The following DENND1A variants were observed in gnomAD, a reference collection of about 807,000 sequenced individuals.
DENND1A encodes the protein DENN domain-containing protein 1A.
Under a neutral mutation model 113.7 loss-of-function variants are expected in DENND1A, and 51 were observed. The ratio of observed to expected loss-of-function variants is 0.45; its 90% confidence interval spans 0.36 to 0.57. The LOEUF (loss-of-function observed/expected upper bound fraction) is 0.57, where lower values mean the gene tolerates loss of function less well. Among genes scored for constraint, DENND1A ranks in the 20% least tolerant of loss-of-function variants. The pLI is 0.00. For missense variants in DENND1A, 1,258 were observed against 1,395.9 expected, an observed-to-expected ratio of 0.90 and a Z score of 1.57; for synonymous variants, 565 against 570.8, an observed-to-expected ratio of 0.99 and a Z score of 0.14.
rs1369120234 is a variant in DENND1A at position 123,711,513 on chromosome 9, G to GTGTA, written c.303-34725_303-34724insTACA. 2.5e-5 allele frequency among the ~76,000 whole-genome samples: 3 copies of GTGTA among 120,986 alleles called. No homozygotes were observed. In the East Asian group the frequency reaches 7.0e-4, roughly 28 times the overall value. The allele number at this position is 120,986 out of a possible 152,430, so 79.4% of individuals were successfully genotyped here. ...TATATATATATATATATGTATATAT[G>GTGTA]TATATATATATATATATATATATAT... On this transcript the variant is annotated intron_variant, in intron 5 of 23. Transcript: ENST00000394215.
rs1322085576 is a variant in DENND1A at position 123,645,371 on chromosome 9, A to G, written c.618+6642T>C. 6.6e-5 allele frequency among the ~76,000 whole-genome samples: 10 copies of G among 152,174 alleles called. No individual in the cohort carries two copies. In the South Asian group the frequency reaches 2.1e-3, roughly 32 times the overall value. ...GCAGGCCACATCAGGATCTGTCAAG[A>G]GAGGTTCCTCAAAAAATCTCAGGCT... On this transcript the variant is annotated intron_variant, in intron 9 of 23. Transcript: ENST00000394215.
intron 1 of DENND1A, among the ~76,000 whole-genome samples, chr9:123,899,323 T>C (rs543384721): frequency 6.6e-6 from 1 of 152,174 alleles, no homozygotes; most frequent in Non-Finnish European, 1.5e-5. Flanking sequence ...AAGGGTATTA[T>C]GAGGCCCAAA....
intron 18 of DENND1A, among the ~76,000 whole-genome samples, chr9:123,450,043 GAA>G (rs112846577): frequency 0.057 from 6,826 of 119,664 alleles, 186 homozygotes; most frequent in East Asian, 0.081. Context: ...GATAAAAAAA[GAA>G]AAAAAAAAAA....
intron 5 of DENND1A, among the ~76,000 whole-genome samples, chr9:123,739,532 AT>A (rs1481040030): frequency 6.6e-6 from 1 of 152,108 alleles, no homozygotes; most frequent in Non-Finnish European, 1.5e-5. Flanking sequence ...CAACAGAAAA[AT>A]CTCAGTCCAG....
At chr9:123,517,344 G>A (rs879912300) in intron 13 of DENND1A, among the ~76,000 whole-genome samples, 1 of 152,034 alleles carries the variant, frequency 6.6e-6, no homozygotes, top group Non-Finnish European at 1.5e-5. Context: ...GGGAGGGCCG[G>A]GCATGGTGGC....
intron 1 of DENND1A, among the ~76,000 whole-genome samples, 160 bp from the exon 2 acceptor site, chr9:123,879,181 C>T (rs1009227686): frequency 1.3e-5 from 2 of 152,090 alleles, no homozygotes; most frequent in African/African-American, 4.8e-5. Context: ...GAGACCATGC[C>T]TTCCTAAACT....
chr9:123,685,148 T>G (rs2064729111), intron 5 of DENND1A, among the ~76,000 whole-genome samples: 1 of 152,242 alleles, frequency 6.6e-6, no homozygotes, highest in South Asian at 2.1e-4. Flanking sequence ...CATATGTAAA[T>G]GCACCTATCA....
chr9:123,925,317 T>C (rs1588285665), intron 1 of DENND1A, among the ~76,000 whole-genome samples: 1 of 152,226 alleles, frequency 6.6e-6, no homozygotes, highest in South Asian at 2.1e-4. Context: ...CACCCCTACC[T>C]ATCTCTCAGC....
At chr9:123,662,545 A>T (rs1564906486) in intron 8 of DENND1A, among the ~76,000 whole-genome samples, 1 of 152,328 alleles carries the variant, frequency 6.6e-6, no homozygotes, top group East Asian at 1.9e-4. Flanking sequence ...CCTGAATGAC[A>T]GAGCGAGACT....
At chr9:123,926,585 A>G (rs1357037151) in intron 1 of DENND1A, among the ~76,000 whole-genome samples, 8 of 151,438 alleles carry the variant, frequency 5.3e-5, no homozygotes, top group Non-Finnish European at 1.2e-4. Context: ...AAAAAAAAAA[A>G]AAGAACTAAA....
chr9:123,494,878 G>C (rs933791780), intron 13 of DENND1A, among the ~76,000 whole-genome samples: 18 of 151,962 alleles, frequency 1.2e-4, no homozygotes, highest in Non-Finnish European at 2.4e-4. Context: ...TGCAACCTCT[G>C]CCTCCCGGGT....
At chr9:123,703,141 A>G (rs924723150) in intron 5 of DENND1A, among the ~76,000 whole-genome samples, 1 of 151,990 alleles carries the variant, frequency 6.6e-6, no homozygotes, top group African/African-American at 2.4e-5. Context: ...ACCACCACAC[A>G]TGGCTAATTT....
chr9:123,440,461 G>A lies in DENND1A; in HGVS notation c.1387C>T (p.Pro463Ser). ...GCAGTCTTTGGCAGCTGCTCTTCTGGGGTGGGGGCGCAGCCATTCTCGGCA... is the reference window on the plus strand; with the variant it reads ...GCAGTCTTTGGCAGCTGCTCTTCTGAGGTGGGGGCGCAGCCATTCTCGGCA... ...DIAENGCAPT[P>S]EEQLPKTAPS... The change falls in exon 19 of 24, where the codon CCA becomes TCA. Residue 463 changes from proline (P) to serine (S), a missense_variant. Transcript: ENST00000394215. The A allele has an allele frequency of 6.4e-7, 1 of 1,572,186 alleles. No homozygotes were observed.
At chr9:123,392,760 G>A (rs1406209443) in intron 21 of DENND1A, among the ~76,000 whole-genome samples, 2 of 152,060 alleles carry the variant, frequency 1.3e-5, no homozygotes, top group Admixed American at 6.6e-5. Context: ...TGCACCCATC[G>A]CCCGAGCAGT....
intron 2 of DENND1A, among the ~76,000 whole-genome samples, chr9:123,803,444 G>C (rs1835032517): frequency 6.6e-6 from 1 of 151,616 alleles, no homozygotes; most frequent in African/African-American, 2.4e-5. Flanking sequence ...AACCTCAATT[G>C]CCACTGATTC....
chr9:123,604,888 G>A (rs1009572074), intron 11 of DENND1A, among the ~76,000 whole-genome samples: 1 of 152,166 alleles, frequency 6.6e-6, no homozygotes, highest in Non-Finnish European at 1.5e-5. Context: ...CACTAAAGAA[G>A]TAAAACCAGC....
intron 11 of DENND1A, among the ~76,000 whole-genome samples, chr9:123,593,733 T>A (rs573556043): frequency 6.6e-6 from 1 of 152,306 alleles, no homozygotes; most frequent in South Asian, 2.1e-4. Context: ...ATCAAAATTT[T>A]ATTCTAAATG....
chr9:123,554,167 G>A (rs781291491), intron 13 of DENND1A, among the ~76,000 whole-genome samples: 5 of 152,106 alleles, frequency 3.3e-5, no homozygotes, highest in Admixed American at 2.0e-4. Context: ...TGCAGCCAAC[G>A]CCTCCTCCCT....
At chr9:123,627,774 C>T (rs1373869593) in intron 10 of DENND1A, among the ~76,000 whole-genome samples, 1 of 143,530 alleles carries the variant, frequency 7.0e-6, no homozygotes, top group South Asian at 2.2e-4. Context: ...AGAGAGCGAG[C>T]GAGTGAGAGA....
Sources: allele counts gnomAD v4.1 joint callset (sites outside exome capture counted in the v4.1 genomes callset), GRCh38; gene constraint gnomAD v4.1.1; transcripts MANE v1.5; gene names NCBI Gene and HGNC (gene_info 2026-07-23, HGNC 2026-07-21).